The following ZNF746 variants were observed in gnomAD, a reference collection of about 807,000 sequenced individuals.
ZNF746 encodes the protein zinc finger protein 746, also known as parkin-interacting substrate.
In ZNF746, 13 loss-of-function variants were observed where a neutral mutation model predicts 41.0. That is an observed-to-expected ratio of 0.32 (90% CI 0.21 to 0.50). The LOEUF (loss-of-function observed/expected upper bound fraction) is 0.50, where lower values mean the gene tolerates loss of function less well. Among genes scored for constraint, ZNF746 ranks in the 20% least tolerant of loss-of-function variants. ZNF746 has a pLI of 0.98. For synonymous variants in ZNF746, 424 were observed against 396.2 expected, an observed-to-expected ratio of 1.07 and a Z score of -0.83; for missense variants, 811 against 922.9, an observed-to-expected ratio of 0.88 and a Z score of 1.57.
In ZNF746 at chr7:149,474,715, T is replaced by C; in HGVS notation, c.1652A>G (p.Glu551Gly). Residue 551 changes from glutamate (E) to glycine (G), a missense_variant, in exon 7 of 7, where the codon GAG becomes GGG. Coordinates refer to ENST00000458143, the MANE Select transcript of ZNF746 (RefSeq NM_001394198.1). This position sits in a 1 kb window ranked among gnomAD's most constrained non-coding sequence, Gnocchi z 6.3. ...ACACTCGGTGCAGGGGAAGGGCCGCTCGCCGGTGTGCAGCATGCGATGGCG... is the reference window on the plus strand; with the variant it reads ...ACACTCGGTGCAGGGGAAGGGCCGCCCGCCGGTGTGCAGCATGCGATGGCG... ...LIRHRMLHTG[E>G]RPFPCTECEK... is the part of the protein sequence containing the mutation. 6.2e-7 allele frequency: 1 copy of C among 1,611,828 alleles called. No homozygotes were observed. Among genetic ancestry groups the C allele is most frequent in the Non-Finnish European group, 8.5e-7 (1 of 1,179,534 alleles).
downstream of ZNF746, chr7:149,472,714 C>A (rs539955777): frequency 2.6e-5 from 4 of 152,690 alleles, no homozygotes; most frequent in South Asian, 8.3e-4. Flanking sequence ...AGAAAGCTGA[C>A]CAGACAGCCC....
chr7:149,491,299 C>G (rs554888970), intron 4 of ZNF746: 2 of 154,056 alleles, frequency 1.3e-5, no homozygotes, highest in South Asian at 4.0e-4. Context: ...GAGAGTGTTA[C>G]AGGGTCTTAC....
At position 149,497,109 on chromosome 7, in the gene ZNF746, G is replaced by A. The variant is rs72611591; in HGVS notation, c.24+404C>T. On this transcript the variant is annotated intron_variant, in intron 1 of 6. Transcript: ENST00000458143. The surrounding 1 kb of genome is among the most constrained non-coding windows in gnomAD (Gnocchi z 4.2). ...GTCGGTGTATGCGGATTCGAAGCCG[G>A]ACACCTCCCAGGTGCCACCAGGCCG... is the stretch of plus-strand genomic sequence containing the variant. 24,524 of 985,272 alleles carry A rather than the reference G, an allele frequency of 0.025. 1,113 individuals carry two copies. The East Asian group carries it at 0.37, about 15-fold the overall frequency. 61.0% of individuals were successfully genotyped at this position (985,272 alleles called of 1,614,324 possible).
At position 149,474,877 on chromosome 7, in the gene ZNF746, G is replaced by C. The variant is rs1163907035; in HGVS notation, c.1490C>G (p.Ser497Trp). The C allele has an allele frequency of 2.0e-6, 3 of 1,506,224 alleles. No individual in the cohort carries two copies. The highest frequency in any genetic ancestry group is 2.6e-6 in the Non-Finnish European group (3 of 1,133,322). The allele number at this position is 1,506,224 out of a possible 1,614,324, so 93.3% of individuals were successfully genotyped here. A position where few individuals can be genotyped will look rare whatever the true frequency, so the allele number is the denominator to read the frequency against. The change falls in exon 7 of 7, where the codon TCG becomes TGG. Residue 497 changes from serine to tryptophan, a missense_variant. Physicochemically the swap from Ser to Trp is radical, Grantham distance 177 (BLOSUM62 -3). Around this residue, in one of 4 missense-constraint regions of ZNF746, gnomAD observed 495 missense variants for 481.6 expected, o/e 1.03. Coordinates refer to ENST00000458143, the MANE Select transcript of ZNF746 (RefSeq NM_001394198.1). The surrounding 1 kb of genome is among the most constrained non-coding windows in gnomAD (Gnocchi z 6.3). The part of the protein sequence containing the change: ...HQRSCGAPDG[S>W]GPGTGGGGSG... ...GCCGCCACCGCCTGTGCCCGGGCCC[G>C]ACCCGTCGGGCGCCCCACAGCTGCG...
chr7:149,476,978 G>T lies in ZNF746; in HGVS notation c.827C>A (p.Pro276His). Residue 276 changes from proline (P) to histidine (H), a missense_variant, in exon 6 of 7, where the codon CCC becomes CAC. Transcript: ENST00000458143. ...SWQTDLPPHH[P>H]SSACSDGTLK... ...GGTCCCGTCCGAGCATGCTGAAGAG[G>T]GATGGTGGGGAGGGAGATCCGTTTG... 1 of 1,614,062 alleles carries T rather than the reference G, an allele frequency of 6.2e-7. No homozygotes were observed. The highest frequency in any genetic ancestry group is 2.2e-5 in the East Asian group (1 of 44,870).
rs1029464529 is a variant in ZNF746 at position 149,474,439 on chromosome 7, G to A, written c.1928C>T (p.Thr643Ile). 9 of 1,611,350 alleles carry A rather than the reference G, an allele frequency of 5.6e-6. No individual in the cohort carries two copies. Among genetic ancestry groups the A allele is most frequent in the Non-Finnish European group, 7.6e-6 (9 of 1,178,944 alleles). Residue 643 changes from threonine (T) to isoleucine (I), a missense_variant, in exon 7 of 7, where the codon ACC becomes ATC. Thr to Ile is a moderately conservative substitution (Grantham distance 89). Around this residue, in one of 4 missense-constraint regions of ZNF746, gnomAD observed 99 missense variants for 80.3 expected, o/e 1.23. Coordinates refer to ENST00000458143, the MANE Select transcript of ZNF746 (RefSeq NM_001394198.1). The surrounding 1 kb of genome is among the most constrained non-coding windows in gnomAD (Gnocchi z 6.3). Reference sequence around the variant, plus strand: ...GACGCTGAGGCCACAAGTCCAGTCGGTCACAAGGTCTGTGGAGGCCAAAGG... The same window carrying A: ...GACGCTGAGGCCACAAGTCCAGTCGATCACAAGGTCTGTGGAGGCCAAAGG... ...KGPLASTDLV[T>I]DWTCGLSVLG...
intron 4 of ZNF746, among the ~76,000 whole-genome samples, chr7:149,478,581 C>T (rs1052956827): frequency 1.2e-4 from 18 of 152,200 alleles, no homozygotes; most frequent in African/African-American, 4.1e-4. Flanking sequence ...CTCAGAGGGG[C>T]ACCCACACAA....
intron 4 of ZNF746, among the ~76,000 whole-genome samples, chr7:149,482,325 T>C (rs1800506378): frequency 6.6e-6 from 1 of 152,182 alleles, no homozygotes; most frequent in African/African-American, 2.4e-5. Flanking sequence ...GAATGAAAGA[T>C]GTACTAAGCC....
chr7:149,477,817 G>A (rs1019209852), intron 4 of ZNF746, 62 bp from the exon 5 acceptor site: 18 of 1,384,878 alleles, frequency 1.3e-5, no homozygotes, highest in Middle Eastern at 2.6e-4. Context: ...GGGCATACAC[G>A]CATCCAGCCG....
At position 149,497,013 on chromosome 7, in the gene ZNF746, A is replaced by G. The variant is rs1801020635; in HGVS notation, c.24+500T>C. On this transcript the variant is annotated intron_variant, in intron 1 of 6. Transcript: ENST00000458143. The surrounding 1 kb of genome is among the most constrained non-coding windows in gnomAD (Gnocchi z 4.2). ...TGTGAGGACAGACTAACGCCTCAAC[A>G]GGGCTTGTGGAAGTGCGTGGCTCTA... The G allele has an allele frequency of 2.0e-6, 2 of 985,396 alleles. No homozygotes were observed. Among genetic ancestry groups the G allele is most frequent in the African/African-American group, 1.7e-5 (1 of 57,352 alleles). 61.0% of individuals were successfully genotyped at this position (985,396 alleles called of 1,614,324 possible).
At chr7:149,476,313 CAAAAAAAAAAAAAA>C (rs55888950) in intron 6 of ZNF746, among the ~76,000 whole-genome samples, 2 of 63,328 alleles carry the variant, frequency 3.2e-5, no homozygotes, top group Admixed American at 1.9e-4. Context: ...GACTCCGCCT[CAAAAAAAAAAAAAA>C]AAAAAAAAAA....
At chr7:149,491,923 C>T (rs749082764) in intron 4 of ZNF746, 40 of 702,116 alleles carry the variant, frequency 5.7e-5, no homozygotes, top group Non-Finnish European at 9.4e-5. Context: ...AAGGTGCTGA[C>T]TGGCTCCAGG....
Position 149,497,139 on chromosome 7 carries a change from G to A in ZNF746, c.24+374C>T, listed in dbSNP as rs1562995582. 2 of 985,222 alleles carry A rather than the reference G, an allele frequency of 2.0e-6. No individual in the cohort carries two copies. The highest frequency in any genetic ancestry group is 3.5e-5 in the African/African-American group (2 of 57,222). The allele number at this position is 985,222 out of a possible 1,614,324, so 61.0% of individuals were successfully genotyped here. A position where few individuals can be genotyped will look rare whatever the true frequency, so the allele number is the denominator to read the frequency against. On this transcript the variant is annotated intron_variant, in intron 1 of 6. Transcript: ENST00000458143. The surrounding 1 kb of genome is among the most constrained non-coding windows in gnomAD (Gnocchi z 4.2). ...CTCCCAGGTGCCACCAGGCCGCTGC[G>A]GGGGAGATGGAGAGGGACCTACAGG... is the stretch of plus-strand genomic sequence containing the variant.
At chr7:149,496,487 T>C (rs1319061205) in intron 1 of ZNF746, among the ~76,000 whole-genome samples, 4 of 152,118 alleles carry the variant, frequency 2.6e-5, no homozygotes, top group African/African-American at 9.7e-5. Context: ...TGCAAACCCC[T>C]TCTTAGTCTC....
chr7:149,490,426 A>C (rs1371842385), intron 4 of ZNF746: 1 of 152,252 alleles, frequency 6.6e-6, no homozygotes, highest in Non-Finnish European at 1.5e-5. Context: ...GGTGCAGAAC[A>C]CCGATGGATT....
chr7:149,494,812 T>A lies in ZNF746; in HGVS notation c.25-309A>T, dbSNP rs910828848. ...TGGGCTCCCTGAACATGGTATTGCA[T>A]CTTTTCATACCACTGTCCTTGACAC... On this transcript the variant is annotated intron_variant, in intron 1 of 6. Transcript: ENST00000458143. The surrounding 1 kb of genome is among the most constrained non-coding windows in gnomAD (Gnocchi z 5.6). Among the ~76,000 whole-genome samples, 3 of 152,052 alleles carry A rather than the reference T, an allele frequency of 2.0e-5. No individual in the cohort carries two copies. Among genetic ancestry groups the A allele is most frequent in the African/African-American group, 4.8e-5 (2 of 41,430 alleles).
intron 6 of ZNF746, among the ~76,000 whole-genome samples, chr7:149,476,087 G>C (rs1255689806): frequency 2.0e-5 from 3 of 152,128 alleles, no homozygotes; most frequent in Non-Finnish European, 4.4e-5. Flanking sequence ...GGCCAAGGCG[G>C]GGGGATCATG....
chr7:149,474,746 G>T lies in ZNF746; in HGVS notation c.1621C>A (p.Leu541Ile). The part of the protein sequence containing the change: ...CGRCFTRPAH[L>I]IRHRMLHTGE... The stretch of plus-strand genomic sequence containing the variant: ...GTGTGCAGCATGCGATGGCGGATGA[G>T]GTGCGCGGGGCGCGTGAAGCAACGG... The change falls in exon 7 of 7, where the codon CTC (leucine) becomes ATC (isoleucine). Residue 541 changes from leucine (L) to isoleucine (I), a missense_variant. Around this residue, in one of 4 missense-constraint regions of ZNF746, gnomAD observed 70 missense variants for 127.6 expected, o/e 0.55. Coordinates refer to ENST00000458143, the MANE Select transcript of ZNF746 (RefSeq NM_001394198.1). The surrounding 1 kb of genome is among the most constrained non-coding windows in gnomAD (Gnocchi z 6.3). 1 of 1,603,786 alleles carries T rather than the reference G, an allele frequency of 6.2e-7. No individual in the cohort carries two copies.
intron 4 of ZNF746, chr7:149,488,273 G>C (rs374625069): frequency 6.6e-6 from 1 of 151,990 alleles, no homozygotes; most frequent in East Asian, 1.9e-4. Context: ...AATTTGAAAA[G>C]CAAAACTTTT....
Sources: gnomAD v4.1 joint callset for allele counts (sites outside exome capture counted in the v4.1 genomes callset) on GRCh38, gnomAD v4.1.1 for gene constraint, gnomAD v4.1.1 regional missense constraint, Gnocchi (gnomAD v3.1) non-coding constraint, MANE v1.5 for transcripts, NCBI Gene and HGNC (gene_info 2026-07-23, HGNC 2026-07-21) for gene names.